The following PRKCA variants were observed in gnomAD, a reference collection of about 807,000 sequenced individuals.
PRKCA encodes the protein protein kinase C alpha, also known as protein kinase C alpha type.
A neutral mutation model predicts 87.0 loss-of-function variants in PRKCA; 27 were observed. The observed-to-expected ratio is 0.31, with a 90% CI of 0.23 to 0.43. PRKCA has a LOEUF of 0.43. Ranked by LOEUF, PRKCA falls within the 20% of genes least tolerant of loss-of-function variation. The pLI, the probability that PRKCA is intolerant of heterozygous loss-of-function variation, is 1.00. For missense variants in PRKCA, 518 were observed against 852.3 expected (o/e 0.61, Z 4.88); for synonymous variants, 329 against 311.1 (o/e 1.06, Z -0.61).
chr17:66,743,752 A>G (rs1239888305), intron 13 of PRKCA, among the ~76,000 whole-genome samples: 2 of 152,196 alleles, frequency 1.3e-5, no homozygotes, highest in Non-Finnish European at 2.9e-5. Flanking sequence ...AGCTCTTCAC[A>G]GAGCCCTCAG....
rs575623201 is a variant in PRKCA, at chr17:66,374,647, A to C, written c.205+68520A>C. Among the ~76,000 whole-genome samples, 3 of 147,010 alleles carry C rather than the reference A, an allele frequency of 2.0e-5. No homozygotes were observed. In the East Asian group the frequency reaches 6.4e-4, roughly 31 times the overall value. ...CCTGGTCTGTGGGGAGCTGCAGGGG[A>C]GGGATGTGATGACTTAATTACAACT... is the stretch of plus-strand genomic sequence containing the variant. On this transcript the variant is annotated intron_variant, in intron 2 of 16. Transcript: ENST00000413366.
At chr17:66,515,334 G>A (rs557853221) in intron 3 of PRKCA, among the ~76,000 whole-genome samples, 3 of 151,490 alleles carry the variant, frequency 2.0e-5, no homozygotes, top group African/African-American at 4.8e-5. Context: ...GAACTCTGTC[G>A]TAAAGTTGCT....
chr17:66,641,617 C>A (rs962392713), intron 4 of PRKCA, 151 bp downstream of exon 4: 3 of 464,948 alleles, frequency 6.5e-6, no homozygotes, highest in Non-Finnish European at 1.1e-5. Flanking sequence ...AGTGTAGATT[C>A]TTCCACTGTC....
At chr17:66,438,000 C>T (rs1913501185) in intron 2 of PRKCA, among the ~76,000 whole-genome samples, 1 of 151,024 alleles carries the variant, frequency 6.6e-6, no homozygotes, top group African/African-American at 2.4e-5. Flanking sequence ...GCCCTTTATA[C>T]AGTCTGGTGG....
At chr17:66,310,492 A>G (rs1326891663) in intron 2 of PRKCA, among the ~76,000 whole-genome samples, 4 of 152,190 alleles carry the variant, frequency 2.6e-5, no homozygotes, top group African/African-American at 7.2e-5. Flanking sequence ...ATTGTACTTC[A>G]TCTGTGACTT....
chr17:66,586,086 G>A (rs1023213314), intron 3 of PRKCA, among the ~76,000 whole-genome samples: 4 of 152,206 alleles, frequency 2.6e-5, no homozygotes, highest in African/African-American at 7.2e-5. Flanking sequence ...AGTCTTGGCA[G>A]TGCCTGGTGC....
At chr17:66,348,269 C>G (rs1907530016) in intron 2 of PRKCA, among the ~76,000 whole-genome samples, 1 of 151,918 alleles carries the variant, frequency 6.6e-6, no homozygotes, top group Non-Finnish European at 1.5e-5. Flanking sequence ...AATGCTTCAT[C>G]GAGACTTTCT....
intron 2 of PRKCA, among the ~76,000 whole-genome samples, chr17:66,325,103 G>A (rs1285715719): frequency 1.3e-5 from 2 of 152,146 alleles, no homozygotes; most frequent in African/African-American, 4.8e-5. Context: ...AAACAACTAT[G>A]CCAGTAAAAA....
At chr17:66,347,941 C>CTTTTTTTTTTTTTTTTTTTGTTTTTT (rs1907500628) in intron 2 of PRKCA, among the ~76,000 whole-genome samples, 1 of 56,440 alleles carries the variant, frequency 1.8e-5, no homozygotes, top group African/African-American at 5.7e-5. Flanking sequence ...AATTCTGAAC[C>CTTTTTTTTTTTTTTTTTTTGTTTTTT]TTTTTTTTTT....
intron 3 of PRKCA, among the ~76,000 whole-genome samples, chr17:66,547,533 C>T (rs1968182739): frequency 6.6e-6 from 1 of 152,110 alleles, no homozygotes; most frequent in African/African-American, 2.4e-5. Flanking sequence ...TTTCACTAGT[C>T]CTTACTGTTT....
chr17:66,604,288 A>G (rs1489134293), intron 3 of PRKCA, among the ~76,000 whole-genome samples: 1 of 152,172 alleles, frequency 6.6e-6, no homozygotes, highest in African/African-American at 2.4e-5. Flanking sequence ...GGTTCCTGGC[A>G]TAATAAACAT....
At chr17:66,752,969 T>C (rs913058208) in intron 13 of PRKCA, among the ~76,000 whole-genome samples, 1 of 152,232 alleles carries the variant, frequency 6.6e-6, no homozygotes, top group Non-Finnish European at 1.5e-5. Context: ...CTGAGCAAAC[T>C]TTCTCTGCCA....
intron 9 of PRKCA, among the ~76,000 whole-genome samples, chr17:66,733,493 A>G (rs1253471903): frequency 1.3e-5 from 2 of 152,220 alleles, no homozygotes; most frequent in African/African-American, 4.8e-5. Context: ...ACTTAGCATT[A>G]AAATGAGGTG....
intron 8 of PRKCA, among the ~76,000 whole-genome samples, chr17:66,690,104 C>T (rs988960636): frequency 9.9e-5 from 15 of 152,116 alleles, no homozygotes; most frequent in Non-Finnish European, 2.2e-4. Flanking sequence ...TCATGCCCCC[C>T]ACAAAAGAAA....
chr17:66,500,469 A>G (rs1567860954), intron 3 of PRKCA, among the ~76,000 whole-genome samples: 1 of 152,188 alleles, frequency 6.6e-6, no homozygotes, highest in East Asian at 1.9e-4. Context: ...TTTTCTGAAT[A>G]CCATTTTTCT....
chr17:66,423,277 C>T (rs973345394), intron 2 of PRKCA, among the ~76,000 whole-genome samples: 1 of 152,166 alleles, frequency 6.6e-6, no homozygotes, highest in Non-Finnish European at 1.5e-5. Context: ...GCTGGTAGTA[C>T]TTTGTTTTAT....
chr17:66,466,048 T>C (rs192618303), intron 2 of PRKCA, among the ~76,000 whole-genome samples: 21 of 152,328 alleles, frequency 1.4e-4, no homozygotes, highest in Admixed American at 1.2e-3. Context: ...TTCCATTATA[T>C]TGAGAAGAAA....
At chr17:66,747,239 TA>T (rs983482378) in intron 13 of PRKCA, among the ~76,000 whole-genome samples, 120 of 152,240 alleles carry the variant, frequency 7.9e-4, no homozygotes, top group African/African-American at 2.4e-3. Flanking sequence ...CTGCTAATTT[TA>T]AAAAAATTTT....
chr17:66,781,728 G>GTT (rs1393879799), intron 14 of PRKCA, among the ~76,000 whole-genome samples: 1 of 152,070 alleles, frequency 6.6e-6, no homozygotes, highest in East Asian at 1.9e-4. Flanking sequence ...TGTGAGTGGA[G>GTT]TTTCAGTTGG....
Sources: gnomAD v4.1 joint callset for allele counts (sites outside exome capture counted in the v4.1 genomes callset) on GRCh38, gnomAD v4.1.1 for gene constraint, MANE v1.5 for transcripts, NCBI Gene and HGNC (gene_info 2026-07-23, HGNC 2026-07-21) for gene names.